MRPL20: variants seen among roughly 807,000 people sequenced by gnomAD.
The protein encoded by MRPL20 is mitochondrial ribosomal protein L20, also known as large ribosomal subunit protein bL20m.
Under a neutral mutation model 20.0 loss-of-function variants are expected in MRPL20, and 21 were observed. The ratio of observed to expected loss-of-function variants is 1.05; its 90% confidence interval spans 0.74 to 1.51. The LOEUF (loss-of-function observed/expected upper bound fraction) is 1.51, where lower values mean the gene tolerates loss of function less well. Among genes scored for constraint, MRPL20 ranks in the 40% most tolerant of loss-of-function variants. MRPL20 has a pLI of 0.00. For synonymous variants in MRPL20, 104 were observed against 73.0 expected (o/e 1.43, Z -2.17); for missense variants, 252 against 185.6 (o/e 1.36, Z -2.08).
chr1:1,401,962 C>G lies in MRPL20; in HGVS notation c.*121G>C, dbSNP rs1645333710. On this transcript the variant is annotated 3_prime_UTR_variant, in exon 4 of 4. Transcript: ENST00000344843. ...AAACATGGACATCATCTGTGAGGCTCTGTCCCAGAGAGACAGGGCCATCCC... is the reference window on the plus strand; with the variant it reads ...AAACATGGACATCATCTGTGAGGCTGTGTCCCAGAGAGACAGGGCCATCCC... 1 of 1,125,770 alleles carries G rather than the reference C, an allele frequency of 8.9e-7. No individual in the cohort carries two copies. The highest frequency in any genetic ancestry group is 1.3e-6 in the Non-Finnish European group (1 of 794,058). 69.7% of individuals were successfully genotyped at this position (1,125,770 alleles called of 1,614,324 possible).
intron 3 of MRPL20, among the ~76,000 whole-genome samples, chr1:1,404,040 C>T (rs1645359637): frequency 6.6e-6 from 1 of 151,820 alleles, no homozygotes; most frequent in Non-Finnish European, 1.5e-5. Context: ...AGTTTTACCA[C>T]ATTGCCCAGG....
In MRPL20 at chr1:1,407,272, C is replaced by T; in HGVS notation, c.-55G>A. 6.8e-7 allele frequency: 1 copy of T among 1,463,354 alleles called. No homozygotes were observed. The highest frequency in any genetic ancestry group is 1.2e-5 in the South Asian group (1 of 83,264). 90.6% of individuals were successfully genotyped at this position (1,463,354 alleles called of 1,614,324 possible). ...CAACAACGCACGCGCAGCGCCGCTG[C>T]CATCTTGCCCGGGTCGGAAATGGTG... On this transcript the variant is annotated 5_prime_UTR_variant, in exon 1 of 4. Transcript: ENST00000344843.
At chr1:1,406,266 G>A (rs539071115) in intron 2 of MRPL20, 9 of 201,184 alleles carry the variant, frequency 4.5e-5, no homozygotes, top group Non-Finnish European at 9.3e-5. Context: ...CGGGAAAATC[G>A]CTTGAACCCG....
In MRPL20 at chr1:1,406,935, A is replaced by T; in HGVS notation, c.172T>A (p.Tyr58Asn). ...RAFVKCTKAR[Y>N]LKKKNMRTLW... is the part of the protein sequence containing the mutation. ...GTCCTCATGTTCTTTTTCTTCAGGT[A>T]TCGGGCTTTGGTGCATTTCACAAAG... The change falls in exon 2 of 4, where the codon TAC becomes AAC. Residue 58 changes from tyrosine (Y) to asparagine (N), a missense_variant. Physicochemically the swap from Tyr to Asn is moderately radical, Grantham distance 143. Coordinates refer to ENST00000344843, the MANE Select transcript of MRPL20 (RefSeq NM_017971.4). 1.9e-6 allele frequency: 3 copies of T among 1,613,610 alleles called. No homozygotes were observed. Among genetic ancestry groups the T allele is most frequent in the Non-Finnish European group, 2.5e-6 (3 of 1,179,622 alleles).
chr1:1,402,325 C>G, intron 3 of MRPL20, 69 bp from the exon 4 acceptor site: 2 of 1,517,818 alleles, frequency 1.3e-6, no homozygotes, highest in Non-Finnish European at 1.8e-6. Flanking sequence ...GTGGTTGCGG[C>G]GCTGGCTCAG....
At chr1:1,406,530 C>A (rs1489319943) in intron 2 of MRPL20, 1 of 275,932 alleles carries the variant, frequency 3.6e-6, no homozygotes, top group Non-Finnish European at 7.1e-6. Flanking sequence ...AGGAGCACCA[C>A]GGCAGCAGAT....
intron 3 of MRPL20, chr1:1,405,585 A>T (rs1219375478): frequency 2.6e-6 from 2 of 760,148 alleles, no homozygotes; most frequent in Non-Finnish European, 4.5e-6. Context: ...ACCCCTCCTT[A>T]GGCAACGTGG....
intron 3 of MRPL20, 35 bp downstream of exon 3, chr1:1,405,774 C>T: frequency 6.2e-7 from 1 of 1,614,092 alleles, no homozygotes. Flanking sequence ...TGCAGATGTC[C>T]AGAATTTCAG....
intron 2 of MRPL20, 198 bp from the exon 3 acceptor site, chr1:1,406,084 G>A (rs1007445518): frequency 1.6e-5 from 11 of 675,872 alleles, no homozygotes; most frequent in Admixed American, 6.4e-5. Context: ...AGCTGGGCAC[G>A]GTGTCTCACG....
In MRPL20 at chr1:1,407,235, G is replaced by C; in HGVS notation, c.-18C>G. The C allele has an allele frequency of 6.3e-7, 1 of 1,577,980 alleles. No homozygotes were observed. The highest frequency in any genetic ancestry group is 8.6e-7 in the Non-Finnish European group (1 of 1,161,660). On this transcript the variant is annotated 5_prime_UTR_variant, in exon 1 of 4. Coordinates refer to ENST00000344843, the MANE Select transcript of MRPL20 (RefSeq NM_017971.4). ...AAGACCATGGCGCCTGCAGGCCGGC[G>C]TCCCGAACACTCAACAACGCACGCG...
rs564241399 is a variant in MRPL20, at chr1:1,402,137, C to G, written c.396G>C (p.Leu132Phe). 26 of 1,614,164 alleles carry G rather than the reference C, an allele frequency of 1.6e-5. 1 individual carries two copies. Among genetic ancestry groups the G allele is most frequent in the Middle Eastern group, 3.3e-4 (2 of 6,062 alleles). ...TGCCTTCAGGTTCCTTCCCATCCCC[C>G]AAGGCAGCAGCAAATCCTTCGTGTC... is the stretch of plus-strand genomic sequence containing the variant. ...RRRHEGFAAA[L>F]GDGKEPEGIF... The change falls in exon 4 of 4, where the codon TTG (leucine) becomes TTC (phenylalanine). Residue 132 changes from leucine (L) to phenylalanine (F), a missense_variant. By Grantham distance (22) the Leu-to-Phe change is conservative. Coordinates refer to ENST00000344843, the MANE Select transcript of MRPL20 (RefSeq NM_017971.4).
At chr1:1,403,200 G>A (rs1017908498) in intron 3 of MRPL20, among the ~76,000 whole-genome samples, 4 of 151,504 alleles carry the variant, frequency 2.6e-5, no homozygotes, top group African/African-American at 9.7e-5. Flanking sequence ...TGACCTAACT[G>A]TACTACCTGT....
In MRPL20 at chr1:1,407,219, G is replaced by C; in HGVS notation, c.-2C>G. ...GAGCTGCGCGGTGAGGAAGACCATG[G>C]CGCCTGCAGGCCGGCGTCCCGAACA... On this transcript the variant is annotated 5_prime_UTR_variant, in exon 1 of 4. Coordinates refer to ENST00000344843, the MANE Select transcript of MRPL20 (RefSeq NM_017971.4). 6.3e-7 allele frequency: 1 copy of C among 1,595,720 alleles called. No homozygotes were observed. Among genetic ancestry groups the C allele is most frequent in the South Asian group, 1.1e-5 (1 of 89,294 alleles).
chr1:1,405,814 C>T lies in MRPL20; in HGVS notation c.271G>A (p.Val91Ile), dbSNP rs1048712043. The T allele has an allele frequency of 1.2e-6, 2 of 1,614,168 alleles. No individual in the cohort carries two copies. Among genetic ancestry groups the T allele is most frequent in the South Asian group, 1.1e-5 (1 of 91,088 alleles). Residue 91 changes from valine to isoleucine, a missense_variant, in exon 3 of 4, where the codon GTT (valine) becomes ATT (isoleucine). Val to Ile is a conservative substitution (Grantham distance 29). Coordinates refer to ENST00000344843, the MANE Select transcript of MRPL20 (RefSeq NM_017971.4). ...ACCCACATACTCACCCATACCTTAA[C>T]TAAATTCCCAATGAGCGCTGGATAC... ...LKYPALIGNL[V>I]KCQVELNRKV...
chr1:1,406,807 G>C, intron 2 of MRPL20, 102 bp downstream of exon 2: 1 of 974,622 alleles, frequency 1.0e-6, no homozygotes, highest in Admixed American at 1.7e-5. Context: ...TGAAAGGAAG[G>C]GGCTGAGGGT....
At position 1,407,243 on chromosome 1, in the gene MRPL20, C is replaced by T. The variant is rs777411491; in HGVS notation, c.-26G>A. On this transcript the variant is annotated 5_prime_UTR_variant, in exon 1 of 4. Transcript: ENST00000344843. ...GGCGCCTGCAGGCCGGCGTCCCGAA[C>T]ACTCAACAACGCACGCGCAGCGCCG... 1.7e-5 allele frequency: 27 copies of T among 1,560,936 alleles called. No individual in the cohort carries two copies. The South Asian group carries it at 2.8e-4, about 16-fold the overall frequency.
chr1:1,406,691 G>A (rs952862038), intron 2 of MRPL20: 31 of 582,062 alleles, frequency 5.3e-5, no homozygotes, highest in Non-Finnish European at 6.5e-5. Context: ...CCGGGCGAGG[G>A]GCTGGAGCAG....
chr1:1,403,252 TC>T (rs1368848772), intron 3 of MRPL20, among the ~76,000 whole-genome samples: 1 of 152,006 alleles, frequency 6.6e-6, no homozygotes, highest in Non-Finnish European at 1.5e-5. Context: ...TTTCTTTCTT[TC>T]TTTTTTTTGA....
At chr1:1,403,127 C>A (rs1266450504) in intron 3 of MRPL20, among the ~76,000 whole-genome samples, 25 of 138,460 alleles carry the variant, frequency 1.8e-4, no homozygotes, top group African/African-American at 3.6e-4. Context: ...AGATTGTATC[C>A]AAAAAAAAAA....
Sources: allele counts gnomAD v4.1 joint callset (sites outside exome capture counted in the v4.1 genomes callset), GRCh38; gene constraint gnomAD v4.1.1; transcripts MANE v1.5; gene names NCBI Gene and HGNC (gene_info 2026-07-23, HGNC 2026-07-21).